Variants in TRPM8 observed in about 807,000 individuals in gnomAD.
TRPM8 encodes the protein transient receptor potential cation channel subfamily M member 8.
A neutral mutation model predicts 133.7 loss-of-function variants in TRPM8; 110 were observed. The ratio of observed to expected loss-of-function variants is 0.82; its 90% CI spans 0.70 to 0.96. The LOEUF (loss-of-function observed/expected upper bound fraction) is 0.96, where lower values mean the gene tolerates loss of function less well. TRPM8 is among the 40% of genes least tolerant of loss of function. TRPM8 has a pLI of 0.00. For missense variants in TRPM8, 1,291 were observed against 1,379.5 expected (o/e 0.94, Z 1.02); for synonymous variants, 535 against 532.3 (o/e 1.01, Z -0.07).
chr2:233,941,087 G>C (rs907413144), intron 5 of TRPM8, among the ~76,000 whole-genome samples: 4 of 152,186 alleles, frequency 2.6e-5, no homozygotes, highest in Non-Finnish European at 1.5e-5. Flanking sequence ...GGTCTCAGCT[G>C]TTTTGAACTG....
In TRPM8 at chr2:233,937,245, T is replaced by C. The variant is rs1484576619; in HGVS notation, c.192-108T>C. 1.4e-5 allele frequency: 19 copies of C among 1,365,038 alleles called. No individual in the cohort carries two copies. In the Admixed American group the frequency reaches 3.8e-4, roughly 27 times the overall value. The allele number at this position is 1,365,038 out of a possible 1,614,324, so 84.6% of individuals were successfully genotyped here. On this transcript the variant is annotated intron_variant, in intron 3 of 25. Coordinates refer to ENST00000324695, the MANE Select transcript of TRPM8 (RefSeq NM_024080.5). The stretch of plus-strand genomic sequence containing the variant: ...CAAGATGATGAAAACAGTCTGAAAA[T>C]AAGACTTGAAGGTATCCTTTGTGTG...
intron 18 of TRPM8, among the ~76,000 whole-genome samples, chr2:233,981,172 G>A (rs1212488996): frequency 2.0e-5 from 3 of 152,220 alleles, no homozygotes; most frequent in African/African-American, 4.8e-5. Context: ...ATGAGTGTTC[G>A]CCCTCCAATT....
intron 11 of TRPM8, among the ~76,000 whole-genome samples, chr2:233,959,889 C>T (rs1691389134): frequency 6.6e-6 from 1 of 151,628 alleles, no homozygotes; most frequent in Non-Finnish European, 1.5e-5. Context: ...TCAAGTGATT[C>T]TCGTGCCTCA....
intron 17 of TRPM8, among the ~76,000 whole-genome samples, chr2:233,975,692 C>T (rs112451940): frequency 1.1e-4 from 17 of 152,322 alleles, no homozygotes; most frequent in African/African-American, 3.8e-4. Context: ...ACCAGCCTGG[C>T]CAACATGGCA....
chr2:233,927,908 T>TCTC (rs1691590611), intron 2 of TRPM8, among the ~76,000 whole-genome samples: 2 of 38,874 alleles, frequency 5.1e-5, no homozygotes, highest in Non-Finnish European at 8.0e-5. Flanking sequence ...CTTTCTTTCT[T>TCTC]TCTCTCTCTC....
At chr2:233,982,027 T>A in intron 19 of TRPM8, 112 bp downstream of exon 19, 1 of 1,190,248 alleles carries the variant, frequency 8.4e-7, no homozygotes, top group Non-Finnish European at 1.2e-6. Context: ...TCACCATCAG[T>A]AACATTCGCT....
In TRPM8 at chr2:233,926,551, C is replaced by A. The variant is rs776737159; in HGVS notation, c.14C>A (p.Ala5Glu). 1.5e-5 allele frequency: 25 copies of A among 1,614,000 alleles called. No individual in the cohort carries two copies. Among genetic ancestry groups the A allele is most frequent in the Middle Eastern group, 3.3e-4 (2 of 6,060 alleles). Residue 5 changes from alanine (A) to glutamate (E), a missense_variant, in exon 2 of 26, where the codon GCA becomes GAA. Ala to Glu is a moderately radical substitution (Grantham distance 107). Transcript: ENST00000324695. Reference protein sequence around the residue: MSFRAARLSMRNRRN... With the variant: MSFREARLSMRNRRN... ...GTCACAGAAAAGATGTCCTTTCGGG[C>A]AGCCAGGCTCAGCATGAGGAACAGA...
chr2:233,939,206 T>TCC, intron 5 of TRPM8, 31 bp downstream of exon 5: 1 of 1,609,818 alleles, frequency 6.2e-7, no homozygotes, highest in African/African-American at 1.3e-5. Context: ...CGCGGGTTCT[T>TCC]CCATTCGGGC....
Position 233,958,750 on chromosome 2 carries a change from C to G in TRPM8, c.1363-2026C>G, listed in dbSNP as rs926901350. ...TCCACAATGTGGGGACTCAAGGGAC[C>G]CTTGACAACTCCTTCTCTAGGCAAT... is the stretch of plus-strand genomic sequence containing the variant. On this transcript the variant is annotated intron_variant, in intron 11 of 25. Coordinates refer to ENST00000324695, the MANE Select transcript of TRPM8 (RefSeq NM_024080.5). Among the ~76,000 whole-genome samples, 3 of 152,308 alleles carry G rather than the reference C, an allele frequency of 2.0e-5. No homozygotes were observed. In the East Asian group the frequency reaches 5.8e-4, roughly 29 times the overall value.
intron 6 of TRPM8, among the ~76,000 whole-genome samples, chr2:233,943,858 C>T (rs28901632): frequency 0.059 from 9,023 of 152,220 alleles, 860 homozygotes; most frequent in African/African-American, 0.2. Context: ...TCCTTAGAAG[C>T]GGCAAATGTT....
In TRPM8 at chr2:233,927,844, C is replaced by CT. The variant is rs1559516392; in HGVS notation, c.117+1192dup. ...CCTTCCTTCCTTCCTTCCTTCCTTC[C>CT]TTCCTTCCTTTCTTTCTCTTTCTTT... On this transcript the variant is annotated intron_variant, in intron 2 of 25. Coordinates refer to ENST00000324695, the MANE Select transcript of TRPM8 (RefSeq NM_024080.5). 2.6e-3 allele frequency among the ~76,000 whole-genome samples: 180 copies of CT among 69,320 alleles called. 10 individuals carry two copies. Among genetic ancestry groups the CT allele is most frequent in the Non-Finnish European group, 3.5e-3 (127 of 36,146 alleles). 45.5% of individuals were successfully genotyped at this position (69,320 alleles called of 152,430 possible).
At chr2:233,936,037 T>C (rs1197993913) in intron 3 of TRPM8, among the ~76,000 whole-genome samples, 1 of 152,196 alleles carries the variant, frequency 6.6e-6, no homozygotes, top group African/African-American at 2.4e-5. Context: ...CTAAGTCACC[T>C]TGATGGAGCA....
intron 12 of TRPM8, among the ~76,000 whole-genome samples, chr2:233,962,425 C>T (rs988096821): frequency 1.3e-5 from 2 of 152,094 alleles, no homozygotes; most frequent in African/African-American, 4.8e-5. Flanking sequence ...TATGGGGTTC[C>T]CTTTTGTTCT....
At chr2:233,954,143 C>A (rs889746751) in intron 10 of TRPM8, 124 bp downstream of exon 10, 6 of 599,842 alleles carry the variant, frequency 1.0e-5, no homozygotes, top group African/African-American at 3.8e-5. Context: ...TTTTGATGAT[C>A]CTAGATTGGA....
At chr2:233,962,584 T>A (rs928940680) in intron 12 of TRPM8, among the ~76,000 whole-genome samples, 2 of 152,200 alleles carry the variant, frequency 1.3e-5, no homozygotes, top group Non-Finnish European at 2.9e-5. Context: ...AGTGCGTGTA[T>A]GTGTGTTGCA....
intron 2 of TRPM8, 35 bp downstream of exon 2, chr2:233,926,689 C>T: frequency 1.3e-6 from 2 of 1,493,938 alleles, no homozygotes; most frequent in South Asian, 2.3e-5. Flanking sequence ...GAAAGGTTAT[C>T]ATTGTAACCT....
intron 11 of TRPM8, among the ~76,000 whole-genome samples, chr2:233,959,596 C>T (rs1347916578): frequency 6.6e-6 from 1 of 151,996 alleles, no homozygotes; most frequent in Non-Finnish European, 1.5e-5. Flanking sequence ...CAGGTGTGAG[C>T]CACTGTGCCT....
intron 12 of TRPM8, 144 bp downstream of exon 12, chr2:233,961,210 T>C: frequency 2.5e-6 from 2 of 800,026 alleles, no homozygotes; most frequent in Non-Finnish European, 3.9e-6. Flanking sequence ...ACTCCCTTTA[T>C]TTAAGATAAG....
Position 233,950,144 on chromosome 2 carries a change from T to G in TRPM8, c.1138T>G (p.Trp380Gly), listed in dbSNP as rs1273888486. 1 of 1,611,812 alleles carries G rather than the reference T, an allele frequency of 6.2e-7. No individual in the cohort carries two copies. The highest frequency in any genetic ancestry group is 8.5e-7 in the Non-Finnish European group (1 of 1,179,730). ...PEEETESWIK[W>G]LKEILECSHL... ...GGAGGAGACTGAGAGTTGGATCAAA[T>G]GGGTAAGTTGTCGGGACCATGTCTG... is the stretch of plus-strand genomic sequence containing the variant. Residue 380 changes from tryptophan (W) to glycine (G), a missense_variant and splice_region_variant, in exon 9 of 26, where the codon TGG (tryptophan) becomes GGG (glycine). Around this residue, in one of 2 missense-constraint regions of TRPM8, gnomAD observed 963 missense variants for 968.9 expected, o/e 0.99. Transcript: ENST00000324695.
Sources: allele counts gnomAD v4.1 joint callset (sites outside exome capture counted in the v4.1 genomes callset), GRCh38; gene constraint gnomAD v4.1.1; regional missense constraint gnomAD v4.1.1; transcripts MANE v1.5; gene names NCBI Gene and HGNC (gene_info 2026-07-23, HGNC 2026-07-21).